Variants in OR4E2 observed in about 807,000 individuals in gnomAD.
OR4E2 encodes olfactory receptor 4E2.
A neutral mutation model predicts 11.0 loss-of-function variants in OR4E2; 9 were observed. The ratio of observed to expected loss-of-function variants is 0.82; its 90% CI spans 0.49 to 1.43. The LOEUF (loss-of-function observed/expected upper bound fraction) is 1.43. Ranked by LOEUF, OR4E2 falls within the 40% of genes most tolerant of loss-of-function variation. OR4E2 has a pLI of 0.00. For synonymous variants in OR4E2, 159 were observed against 147.3 expected (o/e 1.08, Z -0.57); for missense variants, 441 against 382.0 (o/e 1.15, Z -1.29).
chr14:21,666,072 G>T lies in OR4E2; in HGVS notation c.*48G>T. ...AATTGCAGCCACATCCTTAATGAAA[G>T]AGCAAAAGTAAAGAGTCAAAATCAA... On this transcript the variant is annotated 3_prime_UTR_variant, in exon 4 of 4. Coordinates refer to ENST00000641524, the MANE Select transcript of OR4E2 (RefSeq NM_001001912.3). The T allele has an allele frequency of 1.5e-6, 2 of 1,372,076 alleles. No individual in the cohort carries two copies. Among genetic ancestry groups the T allele is most frequent in the East Asian group, 2.3e-5 (1 of 42,684 alleles). The allele number at this position is 1,372,076 out of a possible 1,614,324, so 85.0% of individuals were successfully genotyped here. A position where few individuals can be genotyped will look rare whatever the true frequency, so the allele number is the denominator to read the frequency against.
Position 21,665,209 on chromosome 14 carries a change from A to C in OR4E2, c.127A>C (p.Ile43Leu), listed in dbSNP as rs1429361230. ...AIYMLTLSGN[I>L]LIIIATVFTP... ...TTATATGCTAACGCTTTCGGGGAAC[A>C]TTCTCATCATCATTGCCACAGTCTT... The change falls in exon 4 of 4, where the codon ATT becomes CTT. Residue 43 changes from isoleucine (I) to leucine (L), a missense_variant. Ile to Leu is a conservative substitution (Grantham distance 5). Coordinates refer to ENST00000641524, the MANE Select transcript of OR4E2 (RefSeq NM_001001912.3). 11 of 1,613,972 alleles carry C rather than the reference A, an allele frequency of 6.8e-6. No homozygotes were observed. Among genetic ancestry groups the C allele is most frequent in the Non-Finnish European group, 9.3e-6 (11 of 1,179,924 alleles).
intron 1 of OR4E2, among the ~76,000 whole-genome samples, chr14:21,656,203 C>CA (rs1408353908): frequency 6.7e-6 from 1 of 148,638 alleles, no homozygotes; most frequent in South Asian, 2.1e-4. Flanking sequence ...AACAAAAAAA[C>CA]AAAAAATTAG....
Position 21,667,422 on chromosome 14 carries a change from G to A in OR4E2, c.*1398G>A, listed in dbSNP as rs556311831. 2.0e-4 allele frequency: 30 copies of A among 152,098 alleles called. No homozygotes were observed. In the South Asian group the frequency reaches 6.2e-3, roughly 32 times the overall value. The allele number at this position is 152,098 out of a possible 1,614,324, so 9.4% of individuals were successfully genotyped here. Reference sequence around the variant, plus strand: ...ATGATTACCTTTTAGTAATCAAAAGGACAAAGAATCAGAAGCAGTCTATTC... The same window carrying A: ...ATGATTACCTTTTAGTAATCAAAAGAACAAAGAATCAGAAGCAGTCTATTC... On this transcript the variant is annotated 3_prime_UTR_variant, in exon 4 of 4. Coordinates refer to ENST00000641524, the MANE Select transcript of OR4E2 (RefSeq NM_001001912.3).
chr14:21,665,445 T>C lies in OR4E2; in HGVS notation c.363T>C (p.Asp121=). 4 of 1,614,102 alleles carry C rather than the reference T, an allele frequency of 2.5e-6. No homozygotes were observed. Among genetic ancestry groups the C allele is most frequent in the Non-Finnish European group, 3.4e-6 (4 of 1,179,998 alleles). ...EIFLLIIMAY[D]RYVAICTPLH... is the part of the protein sequence containing the mutation. ...TTCTGCTGATCATTATGGCGTATGA[T>C]CGTTACGTGGCTATCTGCACTCCAC... Residue 121 remains aspartate, a synonymous_variant, in exon 4 of 4, where the codon GAT becomes GAC. Transcript: ENST00000641524.
In OR4E2 at chr14:21,665,144, G is replaced by C. The variant is rs780578293; in HGVS notation, c.62G>C (p.Arg21Pro). Reference sequence around the variant, plus strand: ...GTCTTCTTGGGACTCACTGATAACCGGGTGCTGGAAATGCTGTTTTTCATG... The same window carrying C: ...GTCTTCTTGGGACTCACTGATAACCCGGTGCTGGAAATGCTGTTTTTCATG... ...EFVFLGLTDN[R>P]VLEMLFFMAF... The change falls in exon 4 of 4, where the codon CGG (arginine) becomes CCG (proline). Residue 21 changes from arginine to proline, a missense_variant. Physicochemically the swap from Arg to Pro is moderately radical, Grantham distance 103. Coordinates refer to ENST00000641524, the MANE Select transcript of OR4E2 (RefSeq NM_001001912.3). The C allele has an allele frequency of 6.2e-7, 1 of 1,613,674 alleles. No homozygotes were observed. Among genetic ancestry groups the C allele is most frequent in the African/African-American group, 1.3e-5 (1 of 74,862 alleles).
At chr14:21,663,284 C>T (rs1438795737) in intron 3 of OR4E2, among the ~76,000 whole-genome samples, 4 of 151,886 alleles carry the variant, frequency 2.6e-5, no homozygotes, top group Admixed American at 1.3e-4. Context: ...TTGAGACCAC[C>T]CTGGCTAACA....
At chr14:21,663,460 A>C (rs2138537274) in intron 3 of OR4E2, among the ~76,000 whole-genome samples, 1 of 149,034 alleles carries the variant, frequency 6.7e-6, no homozygotes, top group South Asian at 2.2e-4. Flanking sequence ...AGCCTGGGCA[A>C]CAGAGCAAGA....
chr14:21,657,487 CCTTCCTTCCT>C (rs1880060495), intron 2 of OR4E2, among the ~76,000 whole-genome samples: 1 of 112,698 alleles, frequency 8.9e-6, no homozygotes, highest in African/African-American at 3.5e-5. Context: ...TTCCTTCCTT[CCTTCCTTCCT>C]TCCTTCCTTC....
intron 3 of OR4E2, among the ~76,000 whole-genome samples, chr14:21,661,564 A>G (rs942141020): frequency 3.9e-5 from 6 of 152,226 alleles, no homozygotes; most frequent in African/African-American, 1.4e-4. Flanking sequence ...AATAGTGCTG[A>G]TGGGTCCAAT....
chr14:21,662,680 G>A (rs768621377), intron 3 of OR4E2, among the ~76,000 whole-genome samples: 21 of 152,046 alleles, frequency 1.4e-4, no homozygotes, highest in Non-Finnish European at 2.1e-4. Context: ...ATTTTTTCAC[G>A]TTGGTAGGCC....
At position 21,665,259 on chromosome 14, in the gene OR4E2, G is replaced by A. The variant is rs935739415; in HGVS notation, c.177G>A (p.Met59Ile). ...TTACTCCAAGTCTCCATACCCCCATGTATTTCTTCCTGAGCAATCTGTCCT... is the reference window on the plus strand; with the variant it reads ...TTACTCCAAGTCTCCATACCCCCATATATTTCTTCCTGAGCAATCTGTCCT... The part of the protein sequence containing the change: ...TVFTPSLHTP[M>I]YFFLSNLSFI... The change falls in exon 4 of 4, where the codon ATG becomes ATA. Residue 59 changes from methionine to isoleucine, a missense_variant. Physicochemically the swap from Met to Ile is conservative, Grantham distance 10 (BLOSUM62 1). Coordinates refer to ENST00000641524, the MANE Select transcript of OR4E2 (RefSeq NM_001001912.3). The A allele has an allele frequency of 6.8e-6, 11 of 1,613,910 alleles. No individual in the cohort carries two copies. In the Admixed American group the frequency reaches 1.0e-4, roughly 15 times the overall value.
chr14:21,662,896 TG>T (rs1395192746), intron 3 of OR4E2, among the ~76,000 whole-genome samples: 2 of 152,210 alleles, frequency 1.3e-5, no homozygotes, highest in African/African-American at 4.8e-5. Flanking sequence ...ATTATTTTTG[TG>T]GCTTGTGATA....
In OR4E2 at chr14:21,665,899, G is replaced by C. The variant is rs957593838; in HGVS notation, c.817G>C (p.Val273Leu). ...CTTCTCCATTGACAAGGTGGTGTCTGTCTTCTACACAGTGGTCACCCCTTT... is the reference window on the plus strand; with the variant it reads ...CTTCTCCATTGACAAGGTGGTGTCTCTCTTCTACACAGTGGTCACCCCTTT... Reference protein sequence around the residue: ...TSFSIDKVVSVFYTVVTPLLN... With the variant: ...TSFSIDKVVSLFYTVVTPLLN... The change falls in exon 4 of 4, where the codon GTC becomes CTC. Residue 273 changes from valine (V) to leucine (L), a missense_variant. Physicochemically the swap from Val to Leu is conservative, Grantham distance 32. Coordinates refer to ENST00000641524, the MANE Select transcript of OR4E2 (RefSeq NM_001001912.3). 6.2e-7 allele frequency: 1 copy of C among 1,611,288 alleles called. No individual in the cohort carries two copies. Among genetic ancestry groups the C allele is most frequent in the Non-Finnish European group, 8.5e-7 (1 of 1,178,964 alleles).
chr14:21,659,138 T>C (rs1482637261), intron 2 of OR4E2, among the ~76,000 whole-genome samples: 1 of 152,088 alleles, frequency 6.6e-6, no homozygotes, highest in Non-Finnish European at 1.5e-5. Context: ...TGAGCTTAAA[T>C]GTTTCTCCTG....
intron 3 of OR4E2, among the ~76,000 whole-genome samples, chr14:21,663,887 G>C (rs1392795651): frequency 6.6e-6 from 1 of 152,136 alleles, no homozygotes; most frequent in East Asian, 1.9e-4. Flanking sequence ...GTTTGCTGAG[G>C]ATAATGGCTT....
At chr14:21,663,716 T>C (rs1880466726) in intron 3 of OR4E2, among the ~76,000 whole-genome samples, 1 of 152,178 alleles carries the variant, frequency 6.6e-6, no homozygotes, top group Non-Finnish European at 1.5e-5. Flanking sequence ...GATGTGCAGT[T>C]TTGTTACATA....
chr14:21,662,921 G>A (rs1051271480), intron 3 of OR4E2, among the ~76,000 whole-genome samples: 3 of 152,192 alleles, frequency 2.0e-5, no homozygotes, highest in East Asian at 1.9e-4. Context: ...ATTTCCCAAC[G>A]GTTATAGTTT....
At position 21,666,361 on chromosome 14, in the gene OR4E2, C is replaced by A; in HGVS notation, c.*337C>A. 1 of 249,838 alleles carries A rather than the reference C, an allele frequency of 4.0e-6. No individual in the cohort carries two copies. The highest frequency in any genetic ancestry group is 7.7e-6 in the Non-Finnish European group (1 of 129,668). 15.5% of individuals were successfully genotyped at this position (249,838 alleles called of 1,614,324 possible). On this transcript the variant is annotated 3_prime_UTR_variant, in exon 4 of 4. Transcript: ENST00000641524. ...AGCAGGTAGAGTGAGAATTGACTCT[C>A]TTGATTTATACTGTTCTGTGGGCTA... is the stretch of plus-strand genomic sequence containing the variant.
At chr14:21,654,886 G>C (rs968889346) in intron 1 of OR4E2, among the ~76,000 whole-genome samples, 2 of 152,104 alleles carry the variant, frequency 1.3e-5, no homozygotes, top group African/African-American at 4.8e-5. Flanking sequence ...TTGCAGTCTT[G>C]AATCTAGAGG....
Sources: allele counts gnomAD v4.1 joint callset (sites outside exome capture counted in the v4.1 genomes callset), GRCh38; gene constraint gnomAD v4.1.1; transcripts MANE v1.5; gene names NCBI Gene and HGNC (gene_info 2026-07-23, HGNC 2026-07-21).